The following DIAPH2 variants were observed in gnomAD, a reference collection of about 807,000 sequenced individuals.
DIAPH2 encodes the protein protein diaphanous homolog 2.
Under a neutral mutation model 92.7 loss-of-function variants are expected in DIAPH2, and 35 were observed. The ratio of observed to expected loss-of-function variants is 0.38; its 90% CI spans 0.29 to 0.50. The LOEUF is 0.50. DIAPH2 is among the 20% of genes least tolerant of loss of function. The probability of loss-of-function intolerance (pLI) is 0.94; values close to 1 mark genes in which losing one functional copy is unlikely to be tolerated. For synonymous variants in DIAPH2, 301 were observed against 280.4 expected (o/e 1.07, Z -0.73); for missense variants, 701 against 819.5 (o/e 0.86, Z 1.77).
intron 24 of DIAPH2, among the ~76,000 whole-genome samples, chrX:97,362,176 G>T (rs1377951597): frequency 9.1e-6 from 1 of 109,690 alleles, no homozygotes; most frequent in Non-Finnish European, 1.9e-5. Context: ...AGGAGGCGGA[G>T]GTTGCAGTGA....
intron 22 of DIAPH2, among the ~76,000 whole-genome samples, chrX:97,163,748 A>G (rs2067391701): frequency 8.9e-6 from 1 of 112,016 alleles, no homozygotes; most frequent in Admixed American, 9.5e-5. Flanking sequence ...TCTAGTCTCT[A>G]TGCTTATATT....
intron 26 of DIAPH2, among the ~76,000 whole-genome samples, chrX:97,455,408 A>G (rs1210125303): frequency 8.9e-6 from 1 of 111,895 alleles, no homozygotes; most frequent in Admixed American, 9.5e-5. Flanking sequence ...TTTTTCCTCA[A>G]ATGTGATGTT....
intron 26 of DIAPH2, among the ~76,000 whole-genome samples, chrX:97,592,691 G>A (rs1316120137): frequency 9.0e-6 from 1 of 111,700 alleles, no homozygotes; most frequent in African/African-American, 3.2e-5. Flanking sequence ...CTGTTTCATG[G>A]AACACATTTG....
intron 19 of DIAPH2, among the ~76,000 whole-genome samples, chrX:97,089,107 A>G (rs1056014386): frequency 8.9e-6 from 1 of 112,255 alleles, no homozygotes; most frequent in Non-Finnish European, 1.9e-5. Context: ...GATGAGTAGC[A>G]TCGTAAATAG....
chrX:96,873,595 T>C (rs2147737949), intron 4 of DIAPH2, among the ~76,000 whole-genome samples: 1 of 107,964 alleles, frequency 9.3e-6, no homozygotes, highest in South Asian at 4.1e-4. Flanking sequence ...ATTGTGGTGT[T>C]GGTATACCTG....
chrX:97,369,448 GCAATATTACCTAGT>G lies in DIAPH2; in HGVS notation c.3010-14460_3010-14447del, dbSNP rs1346198744. ...CTCTATAACTTCATTGCCCTTACCA[GCAATATTACCTAGT>G]GGCGTGAGGTTAATTTAAGGACCAC... On this transcript the variant is annotated intron_variant, in intron 24 of 26. Coordinates refer to ENST00000324765, the MANE Select transcript of DIAPH2 (RefSeq NM_006729.5). Among the ~76,000 whole-genome samples, 7 of 48,538 alleles carry G rather than the reference GCAATATTACCTAGT, an allele frequency of 1.4e-4. 1 individual carries two copies. The highest frequency in any genetic ancestry group is 7.2e-5 in the Non-Finnish European group (1 of 13,863). 42.1% of individuals were successfully genotyped at this position (48,538 alleles called of 115,157 possible). A position where few individuals can be genotyped will look rare whatever the true frequency, so the allele number is the denominator to read the frequency against.
intron 26 of DIAPH2, among the ~76,000 whole-genome samples, chrX:97,588,435 G>C (rs1415539481): frequency 2.7e-5 from 3 of 110,405 alleles, no homozygotes; most frequent in African/African-American, 9.9e-5. Flanking sequence ...ACTAAACATC[G>C]GTCAGTACCT....
intron 24 of DIAPH2, among the ~76,000 whole-genome samples, chrX:97,351,017 T>C (rs1383029478): frequency 8.9e-6 from 1 of 112,413 alleles, no homozygotes; most frequent in Non-Finnish European, 1.9e-5. Context: ...TCTGAAACAC[T>C]TACCTAATGC....
At chrX:97,297,625 A>C (rs1192260237) in intron 23 of DIAPH2, among the ~76,000 whole-genome samples, 2 of 69,632 alleles carry the variant, frequency 2.9e-5, no homozygotes, top group Admixed American at 3.7e-4. Flanking sequence ...TTTTTTTTTC[A>C]GTGTGGTTGG....
intron 24 of DIAPH2, among the ~76,000 whole-genome samples, chrX:97,354,644 G>A (rs2069248735): frequency 8.9e-6 from 1 of 112,641 alleles, no homozygotes; most frequent in Non-Finnish European, 1.9e-5. Flanking sequence ...AAAGTGCTAG[G>A]ATTATAGGCG....
intron 22 of DIAPH2, among the ~76,000 whole-genome samples, chrX:97,212,599 T>G (rs949173019): frequency 3.7e-5 from 4 of 107,043 alleles, no homozygotes; most frequent in African/African-American, 1.0e-4. Flanking sequence ...TGTTTTTTTT[T>G]TTTTTTTTTC....
chrX:96,838,472 A>G (rs2064913826), intron 4 of DIAPH2, among the ~76,000 whole-genome samples: 1 of 112,454 alleles, frequency 8.9e-6, no homozygotes, highest in Admixed American at 9.4e-5. Context: ...ATCTAATTGT[A>G]TACATTGTTT....
At chrX:97,097,192 G>A (rs1377944457) in intron 19 of DIAPH2, among the ~76,000 whole-genome samples, 2 of 111,632 alleles carry the variant, frequency 1.8e-5, no homozygotes, top group Admixed American at 1.9e-4. Flanking sequence ...ACAACGTTTA[G>A]TATGTACATA....
At chrX:97,304,519 T>C (rs376233764) in intron 23 of DIAPH2, among the ~76,000 whole-genome samples, 4 of 112,180 alleles carry the variant, frequency 3.6e-5, no homozygotes, top group African/African-American at 1.3e-4. Flanking sequence ...CGGATAGATA[T>C]ATTGCTAGAA....
chrX:97,356,375 C>T (rs993701810), intron 24 of DIAPH2, among the ~76,000 whole-genome samples: 1 of 111,760 alleles, frequency 8.9e-6, no homozygotes, highest in Non-Finnish European at 1.9e-5. Context: ...CACCAACTCT[C>T]TCTAGTTAAT....
intron 4 of DIAPH2, among the ~76,000 whole-genome samples, chrX:96,786,384 G>A (rs2064457186): frequency 8.9e-6 from 1 of 111,751 alleles, no homozygotes. Flanking sequence ...TTAGAACTTG[G>A]AAGTAGCCAT....
intron 2 of DIAPH2, among the ~76,000 whole-genome samples, chrX:96,737,954 C>A (rs988920750): frequency 2.7e-5 from 3 of 111,188 alleles, no homozygotes; most frequent in African/African-American, 6.5e-5. Context: ...TTCACAGTAA[C>A]CCTATGGTGT....
intron 22 of DIAPH2, among the ~76,000 whole-genome samples, chrX:97,214,668 C>T (rs778699201): frequency 4.6e-5 from 5 of 107,762 alleles, no homozygotes; most frequent in Non-Finnish European, 9.6e-5. Context: ...CCTGTCTCTA[C>T]TAAAAATACA....
intron 17 of DIAPH2, among the ~76,000 whole-genome samples, chrX:96,983,327 C>T (rs2066009937): frequency 9.0e-6 from 1 of 111,141 alleles, no homozygotes; most frequent in East Asian, 2.8e-4. Flanking sequence ...AGCTGACTGA[C>T]TCAGTAAGCA....
Sources: gnomAD v4.1 joint callset for allele counts (sites outside exome capture counted in the v4.1 genomes callset) on GRCh38, gnomAD v4.1.1 for gene constraint, MANE v1.5 for transcripts, NCBI Gene and HGNC (gene_info 2026-07-23, HGNC 2026-07-21) for gene names.